TTLL13: variants seen among roughly 807,000 people sequenced by gnomAD.
TTLL13 encodes tubulin tyrosine ligase like 13, also known as tubulin polyglutamylase TTLL13.
chr15:90,251,770 C>T, the TTLL13 span, among the ~76,000 whole-genome samples: 1 of 147,460 alleles, frequency 6.8e-6, no homozygotes, highest in Admixed American at 6.9e-5. Flanking sequence ...GAAGCTGAGA[C>T]ATTGCCATTC....
At chr15:90,250,315 A>C in the TTLL13 span, among the ~76,000 whole-genome samples, 1 of 152,156 alleles carries the variant, frequency 6.6e-6, no homozygotes, top group African/African-American at 2.4e-5. Flanking sequence ...AGCCATGGTC[A>C]TGGCCCATAC....
the TTLL13 span, chr15:90,253,192 T>C: frequency 6.8e-7 from 1 of 1,460,550 alleles, no homozygotes; most frequent in African/African-American, 1.4e-5. Flanking sequence ...AGCTACACAG[T>C]TCCAGGGCTT....
chr15:90,263,714 G>A, the TTLL13 span: 2 of 647,700 alleles, frequency 3.1e-6, no homozygotes, highest in Non-Finnish European at 5.6e-6. Flanking sequence ...ATAAAAATGT[G>A]GTAAGGGGCT....
the TTLL13 span, chr15:90,258,432 G>A: frequency 1.5e-6 from 1 of 679,860 alleles, no homozygotes; most frequent in Non-Finnish European, 2.5e-6. Flanking sequence ...CTACCCTTTT[G>A]ACCTGCTGAG....
chr15:90,257,142 T>G, the TTLL13 span: 1 of 1,613,258 alleles, frequency 6.2e-7, no homozygotes, highest in Non-Finnish European at 8.5e-7. Context: ...TCCCAGCCCC[T>G]CCTCATTGAT....
the TTLL13 span, chr15:90,265,357 T>A: frequency 8.1e-7 from 1 of 1,228,916 alleles, no homozygotes; most frequent in Non-Finnish European, 1.0e-6. Context: ...GTCAGAAGAC[T>A]GCCGAGCGGA....
the TTLL13 span, chr15:90,261,957 G>A: frequency 6.9e-7 from 1 of 1,440,556 alleles, no homozygotes; most frequent in African/African-American, 1.4e-5. Flanking sequence ...TTTCCCTACT[G>A]AACATTCCCA....
the TTLL13 span, among the ~76,000 whole-genome samples, chr15:90,255,460 G>A: frequency 6.6e-6 from 1 of 152,164 alleles, no homozygotes; most frequent in Non-Finnish European, 1.5e-5. Context: ...TGGTCTGAGG[G>A]GTGTTAGAAG....
chr15:90,256,409 GC>G, the TTLL13 span: 1 of 1,352,696 alleles, frequency 7.4e-7, no homozygotes, highest in Non-Finnish European at 1.0e-6. Flanking sequence ...CTTCCCACTA[GC>G]CCCGTTTTCC....
At chr15:90,253,440 G>C in the TTLL13 span, 1 of 1,125,628 alleles carries the variant, frequency 8.9e-7, no homozygotes, top group Non-Finnish European at 1.3e-6. Context: ...CCTTGCCCAG[G>C]CACCCAAGAC....
At chr15:90,257,303 C>T in the TTLL13 span, 1 of 1,596,288 alleles carries the variant, frequency 6.3e-7, no homozygotes, top group East Asian at 2.2e-5. Flanking sequence ...GGGAAGCACT[C>T]TTCTTTTCCA....
At chr15:90,262,394 G>A in the TTLL13 span, 3 of 1,314,474 alleles carry the variant, frequency 2.3e-6, no homozygotes, top group Non-Finnish European at 3.0e-6. Flanking sequence ...CCTAAGAACA[G>A]ATTGTAATTT....
chr15:90,252,810 C>T, the TTLL13 span, among the ~76,000 whole-genome samples: 2 of 152,126 alleles, frequency 1.3e-5, no homozygotes, highest in African/African-American at 4.8e-5. Flanking sequence ...CGAGACCAGA[C>T]TGGCCAACAT....
At chr15:90,259,160 C>T in the TTLL13 span, 3 of 777,228 alleles carry the variant, frequency 3.9e-6, no homozygotes, top group Non-Finnish European at 3.7e-6. Flanking sequence ...CCCTAGAGTT[C>T]AACACCAGAC....
chr15:90,256,569 C>CT, the TTLL13 span, among the ~76,000 whole-genome samples: 2 of 33,296 alleles, frequency 6.0e-5, no homozygotes, highest in African/African-American at 1.2e-4. Flanking sequence ...TTCTTTCTTT[C>CT]TTTCTTTCTT....
At chr15:90,258,930 G>A in the TTLL13 span, 2 of 1,614,178 alleles carry the variant, frequency 1.2e-6, no homozygotes, top group South Asian at 1.1e-5. Flanking sequence ...GAATCTAGGT[G>A]TGCTAGGTGT....
At chr15:90,256,804 C>CA in the TTLL13 span, among the ~76,000 whole-genome samples, 1 of 152,096 alleles carries the variant, frequency 6.6e-6, no homozygotes, top group Non-Finnish European at 1.5e-5. Context: ...TTCTCTGCCT[C>CA]AGCCTCCTGA....
chr15:90,249,596 G>A, the TTLL13 span: 1 of 152,304 alleles, frequency 6.6e-6, no homozygotes, highest in Non-Finnish European at 1.5e-5. Context: ...ACGGCCACCG[G>A]GAGCTAGGAG....
the TTLL13 span, chr15:90,250,632 T>C: frequency 6.2e-7 from 1 of 1,612,412 alleles, no homozygotes; most frequent in South Asian, 1.1e-5. Flanking sequence ...TCTGAGAGAA[T>C]GGAGCCGAGT....
Sources: gnomAD v4.1 joint callset for allele counts (sites outside exome capture counted in the v4.1 genomes callset) on GRCh38, gnomAD v4.1.1 for gene constraint, MANE v1.5 for transcripts, NCBI Gene and HGNC (gene_info 2026-07-23, HGNC 2026-07-21) for gene names.